Variants in NSD3 observed in about 807,000 individuals in gnomAD.
NSD3 encodes histone-lysine N-methyltransferase NSD3.
A neutral mutation model predicts 160.8 loss-of-function variants in NSD3; 24 were observed. The observed-to-expected ratio is 0.15, with a 90% CI of 0.11 to 0.21. The LOEUF is 0.21. Ranked by LOEUF, NSD3 falls within the 10% of genes least tolerant of loss-of-function variation. The pLI, the probability that NSD3 is intolerant of heterozygous loss-of-function variation, is 1.00. For synonymous variants in NSD3, 520 were observed against 600.0 expected (o/e 0.87, Z 1.95); for missense variants, 1,157 against 1,735.9 (o/e 0.67, Z 5.93).
At chr8:38,364,216 G>T (rs901837204) in intron 1 of NSD3, among the ~76,000 whole-genome samples, 2 of 152,098 alleles carry the variant, frequency 1.3e-5, no homozygotes, top group African/African-American at 4.8e-5. Flanking sequence ...GGTGGAGGTT[G>T]CAGTGAGCCA....
chr8:38,270,089 A>G lies in NSD3; in HGVS notation c.*5552T>C, dbSNP rs895631368. The G allele has an allele frequency of 6.6e-6, 1 of 152,218 alleles. No homozygotes were observed. The highest frequency in any genetic ancestry group is 2.4e-5 in the African/African-American group (1 of 41,446). 9.4% of individuals were successfully genotyped at this position (152,218 alleles called of 1,614,324 possible). ...CTATGTGGCAACATCAAGTCATTATACAGTAATGCCCTAGTGGAACACCCC... is the reference window on the plus strand; with the variant it reads ...CTATGTGGCAACATCAAGTCATTATGCAGTAATGCCCTAGTGGAACACCCC... On this transcript the variant is annotated 3_prime_UTR_variant, in exon 24 of 24. Coordinates refer to ENST00000317025, the MANE Select transcript of NSD3 (RefSeq NM_023034.2).
intron 22 of NSD3, among the ~76,000 whole-genome samples, chr8:38,277,731 TA>T (rs1808633296): frequency 6.6e-6 from 1 of 152,244 alleles, no homozygotes; most frequent in Non-Finnish European, 1.5e-5. Context: ...TGTGGGTTTT[TA>T]AAAAGTTTTA....
At chr8:38,380,022 A>G (rs1298878370) in intron 1 of NSD3, among the ~76,000 whole-genome samples, 2 of 152,212 alleles carry the variant, frequency 1.3e-5, no homozygotes, top group Non-Finnish European at 2.9e-5. Flanking sequence ...TTTCAATCAA[A>G]AAACGAACAA....
Position 38,329,729 on chromosome 8 carries a change from A to C in NSD3, c.1230T>G (p.Val410=), listed in dbSNP as rs1326253527. 1 of 1,614,200 alleles carries C rather than the reference A, an allele frequency of 6.2e-7. No individual in the cohort carries two copies. The change falls in exon 6 of 24, where the codon GTT becomes GTG. Residue 410 remains valine (V), a synonymous_variant. Coordinates refer to ENST00000317025, the MANE Select transcript of NSD3 (RefSeq NM_023034.2). This position sits in a 1 kb window ranked among gnomAD's most constrained non-coding sequence, Gnocchi z 4.8. The part of the protein sequence containing the change: ...EEALSQAKKS[V]ASKTEVKKTR... ...TTTTTTTAACTTCGGTTTTGGAGGCAACACTCTTTTTTGCTTGGGATAAAG... is the reference window on the plus strand; with the variant it reads ...TTTTTTTAACTTCGGTTTTGGAGGCCACACTCTTTTTTGCTTGGGATAAAG...
chr8:38,294,492 T>G (rs1187750248), intron 16 of NSD3, among the ~76,000 whole-genome samples: 1 of 152,186 alleles, frequency 6.6e-6, no homozygotes, highest in Admixed American at 6.5e-5. Context: ...ACATACTTCC[T>G]GCTTCATTCC....
chr8:38,342,636 C>T (rs949594862), intron 2 of NSD3, among the ~76,000 whole-genome samples: 7 of 151,632 alleles, frequency 4.6e-5, no homozygotes, highest in African/African-American at 1.5e-4. Context: ...GGCATGATCT[C>T]GGCTCACTAC....
At chr8:38,356,746 T>A (rs937940241) in intron 1 of NSD3, among the ~76,000 whole-genome samples, 3 of 152,180 alleles carry the variant, frequency 2.0e-5, no homozygotes, top group Non-Finnish European at 4.4e-5. Flanking sequence ...TTACATGTTG[T>A]GCTGTATATA....
At chr8:38,284,403 T>C (rs561205425) in intron 19 of NSD3, among the ~76,000 whole-genome samples, 2 of 152,328 alleles carry the variant, frequency 1.3e-5, no homozygotes, top group South Asian at 4.1e-4. Context: ...AATTTTCTGT[T>C]TTGAGACGGA....
intron 16 of NSD3, among the ~76,000 whole-genome samples, chr8:38,295,579 C>CAAAGAA (rs1220882202): frequency 2.0e-5 from 3 of 151,806 alleles, no homozygotes; most frequent in Non-Finnish European, 4.4e-5. Flanking sequence ...CAACCAATCC[C>CAAAGAA]AAAGAAAAAG....
rs1809748797 is a variant in NSD3 at position 38,319,606 on chromosome 8, G to GT, written c.1810-667dup. On this transcript the variant is annotated intron_variant, in intron 8 of 23. Coordinates refer to ENST00000317025, the MANE Select transcript of NSD3 (RefSeq NM_023034.2). This position sits in a 1 kb window ranked among gnomAD's most constrained non-coding sequence, Gnocchi z 4.1. Reference sequence around the variant, plus strand: ...TGCCAATGTATATGTAAAACACGTGGTAATTTGAGGATTGAACCATTGGAA... The same window carrying GT: ...TGCCAATGTATATGTAAAACACGTGGTTAATTTGAGGATTGAACCATTGGAA... The GT allele has an allele frequency of 6.6e-6, 1 of 152,180 alleles. No individual in the cohort carries two copies. The allele number at this position is 152,180 out of a possible 1,614,324, so 9.4% of individuals were successfully genotyped here. A position where few individuals can be genotyped will look rare whatever the true frequency, so the allele number is the denominator to read the frequency against.
Position 38,273,625 on chromosome 8 carries a change from A to G in NSD3, c.*2016T>C, listed in dbSNP as rs566555600. 6.6e-6 allele frequency: 1 copy of G among 152,370 alleles called. No individual in the cohort carries two copies. Among genetic ancestry groups the G allele is most frequent in the Non-Finnish European group, 1.5e-5 (1 of 68,034 alleles). The allele number at this position is 152,370 out of a possible 1,614,324, so 9.4% of individuals were successfully genotyped here. A position where few individuals can be genotyped will look rare whatever the true frequency, so the allele number is the denominator to read the frequency against. On this transcript the variant is annotated 3_prime_UTR_variant, in exon 24 of 24. Transcript: ENST00000317025. ...TTAAAAAACCAAACATCATATACAA[A>G]ATAAAATTTTAGTATGATAAAACCT...
chr8:38,290,435 A>C, intron 17 of NSD3, 40 bp downstream of exon 17: 1 of 1,597,742 alleles, frequency 6.3e-7, no homozygotes, highest in Non-Finnish European at 8.6e-7. Context: ...CTGACACCGG[A>C]GTTGTAGTTT....
At chr8:38,327,689 T>C (rs188563144) in intron 6 of NSD3, among the ~76,000 whole-genome samples, 19 of 152,296 alleles carry the variant, frequency 1.2e-4, no homozygotes, top group African/African-American at 4.6e-4. Context: ...CTCTAGTCAT[T>C]TGCATTTGGT....
intron 6 of NSD3, among the ~76,000 whole-genome samples, chr8:38,328,865 T>C (rs983330233): frequency 6.6e-6 from 1 of 152,224 alleles, no homozygotes; most frequent in Non-Finnish European, 1.5e-5. Context: ...CCACAGCTAA[T>C]TGTTACAGAA....
At chr8:38,379,330 C>A (rs1240165009) in intron 1 of NSD3, among the ~76,000 whole-genome samples, 1 of 149,534 alleles carries the variant, frequency 6.7e-6, no homozygotes, top group South Asian at 2.1e-4. Flanking sequence ...GCTTCCAACA[C>A]AAATTTTTCT....
At chr8:38,357,352 C>G (rs1033683856) in intron 1 of NSD3, among the ~76,000 whole-genome samples, 1 of 151,984 alleles carries the variant, frequency 6.6e-6, no homozygotes, top group African/African-American at 2.4e-5. Context: ...CTTAGACTGA[C>G]AGATCATATA....
In NSD3 at chr8:38,317,952, A is replaced by T. The variant is rs765485412; in HGVS notation, c.1855+943T>A. 6.2e-7 allele frequency: 1 copy of T among 1,614,140 alleles called. No individual in the cohort carries two copies. Among genetic ancestry groups the T allele is most frequent in the East Asian group, 2.2e-5 (1 of 44,892 alleles). On this transcript the variant is annotated intron_variant, in intron 9 of 23. Transcript: ENST00000317025. The surrounding 1 kb of genome is among the most constrained non-coding windows in gnomAD (Gnocchi z 5.3). ...AGTTTCTGGGATGAAATTGTACAGG[A>T]ATCTCAGTCCACAGTTTCCTCAATC...
At chr8:38,338,420 A>G in intron 3 of NSD3, 116 bp downstream of exon 3, 2 of 814,592 alleles carry the variant, frequency 2.5e-6, no homozygotes, top group East Asian at 2.5e-5. Context: ...ACTTATTTCA[A>G]TATAATTTCT....
intron 21 of NSD3, among the ~76,000 whole-genome samples, chr8:38,278,657 G>A (rs559053737): frequency 2.0e-5 from 3 of 152,284 alleles, no homozygotes; most frequent in South Asian, 4.1e-4. Flanking sequence ...TCACAGCAGT[G>A]GTTGAAACCA....
Sources: gnomAD v4.1 joint callset for allele counts (sites outside exome capture counted in the v4.1 genomes callset) on GRCh38, gnomAD v4.1.1 for gene constraint, Gnocchi (gnomAD v3.1) non-coding constraint, MANE v1.5 for transcripts, NCBI Gene and HGNC (gene_info 2026-07-23, HGNC 2026-07-21) for gene names.